Variants in FUT9 observed in about 807,000 individuals in gnomAD.
FUT9 encodes the protein fucosyltransferase 9.
In FUT9, 15 loss-of-function variants were observed where a neutral mutation model predicts 29.7. The observed-to-expected ratio is 0.51, with a 90% confidence interval of 0.34 to 0.78. The LOEUF (loss-of-function observed/expected upper bound fraction) is 0.78, where lower values mean the gene tolerates loss of function less well. Among genes scored for constraint, FUT9 ranks in the 30% least tolerant of loss-of-function variants. The pLI is 0.01. For missense variants in FUT9, 319 were observed against 425.4 expected (o/e 0.75, Z 2.20); for synonymous variants, 169 against 153.7 (o/e 1.10, Z -0.74).
rs867056910 is a variant in FUT9, at chr6:96,203,970, C to T, written c.815C>T (p.Pro272Leu). The change falls in exon 3 of 3, where the codon CCA (proline) becomes CTA (leucine). Residue 272 changes from proline to leucine, a missense_variant. Physicochemically the swap from Pro to Leu is moderately conservative, Grantham distance 98. Coordinates refer to ENST00000302103, the MANE Select transcript of FUT9 (RefSeq NM_006581.4). ...GGCTCTGTACCTGTTGTTCTGGGAC[C>T]ATCTAGGGAAAACTATGAGAATTAT... ...LAGSVPVVLG[P>L]SRENYENYIP... The T allele has an allele frequency of 1.2e-6, 2 of 1,613,396 alleles. No individual in the cohort carries two copies. Among genetic ancestry groups the T allele is most frequent in the Non-Finnish European group, 1.7e-6 (2 of 1,179,692 alleles).
chr6:96,073,692 G>T (rs150095203), intron 1 of FUT9, among the ~76,000 whole-genome samples: 1 of 152,050 alleles, frequency 6.6e-6, no homozygotes, highest in Non-Finnish European at 1.5e-5. Flanking sequence ...TTGAAAGGGC[G>T]ATGGGGAACA....
intron 1 of FUT9, among the ~76,000 whole-genome samples, chr6:96,102,157 A>G (rs1047481292): frequency 6.6e-6 from 1 of 152,068 alleles, no homozygotes; most frequent in African/African-American, 2.4e-5. Context: ...GTAGGTAACA[A>G]TGTTATTGAG....
chr6:96,109,806 C>T (rs920527540), intron 1 of FUT9, among the ~76,000 whole-genome samples: 1 of 152,082 alleles, frequency 6.6e-6, no homozygotes, highest in Non-Finnish European at 1.5e-5. Context: ...AAAACCTTCT[C>T]GTATCCATTG....
chr6:96,032,389 A>G (rs1201337830), intron 1 of FUT9, among the ~76,000 whole-genome samples: 1 of 151,560 alleles, frequency 6.6e-6, no homozygotes, highest in Non-Finnish European at 1.5e-5. Context: ...AACCTTATTC[A>G]GTCAGTAATT....
chr6:96,168,836 T>G (rs1211899429), intron 2 of FUT9, among the ~76,000 whole-genome samples: 1 of 152,114 alleles, frequency 6.6e-6, no homozygotes, highest in Non-Finnish European at 1.5e-5. Context: ...AAATAAATGA[T>G]AACAGAAGGG....
chr6:96,096,684 A>ATGTGTG (rs1243489757), intron 1 of FUT9, among the ~76,000 whole-genome samples: 1,418 of 140,846 alleles, frequency 0.01, 34 homozygotes, highest in African/African-American at 0.035. Flanking sequence ...TGTCTAAGGC[A>ATGTGTG]TGTGTGTGTG....
chr6:96,049,951 C>T (rs1056203354), intron 1 of FUT9, among the ~76,000 whole-genome samples: 1 of 152,018 alleles, frequency 6.6e-6, no homozygotes, highest in African/African-American at 2.4e-5. Context: ...CAGATATAAT[C>T]CTCATCTTAA....
At position 96,187,207 on chromosome 6, in the gene FUT9, A is replaced by C. The variant is rs561796433; in HGVS notation, c.-8-15941A>C. Among the ~76,000 whole-genome samples the C allele has an allele frequency of 7.2e-5, 11 of 152,226 alleles. No individual in the cohort carries two copies. The South Asian group carries it at 2.1e-3, about 29-fold the overall frequency. On this transcript the variant is annotated intron_variant, in intron 2 of 2. Transcript: ENST00000302103. The stretch of plus-strand genomic sequence containing the variant: ...CTGGACTAAAGCCTCTATCATTAGC[A>C]GATAGAGGACCAGAAATTAAGGGAA...
intron 1 of FUT9, among the ~76,000 whole-genome samples, chr6:96,057,607 C>T (rs528306514): frequency 1.8e-3 from 273 of 152,156 alleles, no homozygotes; most frequent in African/African-American, 6.4e-3. Flanking sequence ...CTCTCCACTC[C>T]CTAAAGCTGG....
intron 2 of FUT9, among the ~76,000 whole-genome samples, chr6:96,172,917 C>T (rs570355160): frequency 5.9e-4 from 89 of 152,096 alleles, no homozygotes; most frequent in Non-Finnish European, 9.6e-4. Context: ...TGAAGGTTCC[C>T]TGTACCATTG....
intron 2 of FUT9, among the ~76,000 whole-genome samples, chr6:96,147,593 T>A (rs1308010396): frequency 6.6e-6 from 1 of 152,122 alleles, no homozygotes; most frequent in African/African-American, 2.4e-5. Context: ...TACTTATAAC[T>A]GTAGTTATTA....
intron 2 of FUT9, among the ~76,000 whole-genome samples, chr6:96,151,684 T>C (rs1772678773): frequency 6.6e-6 from 1 of 152,198 alleles, no homozygotes; most frequent in Admixed American, 6.5e-5. Flanking sequence ...TGAGTTTTGT[T>C]ATATTCAGAT....
intron 1 of FUT9, among the ~76,000 whole-genome samples, chr6:96,085,033 T>C (rs888928267): frequency 2.0e-5 from 3 of 152,190 alleles, no homozygotes; most frequent in African/African-American, 7.2e-5. Context: ...AGTTTGACTA[T>C]TTGAAAGGAC....
At chr6:96,126,577 A>C (rs1772137908) in intron 2 of FUT9, among the ~76,000 whole-genome samples, 1 of 152,256 alleles carries the variant, frequency 6.6e-6, no homozygotes, top group Non-Finnish European at 1.5e-5. Context: ...GATCCAGGAC[A>C]TATTGCAAAT....
chr6:96,177,746 A>G (rs1183414918), intron 2 of FUT9, among the ~76,000 whole-genome samples: 1 of 152,158 alleles, frequency 6.6e-6, no homozygotes, highest in African/African-American at 2.4e-5. Flanking sequence ...ACATTTAGAT[A>G]TATTATCTCA....
In FUT9 at chr6:96,213,094, T is replaced by C. The variant is rs1387459568; in HGVS notation, c.*8859T>C. ...AAACTGCCATATATTCGTGCAGATG[T>C]TTTCTTCTTTTCTTACTGCGCATTT... is the stretch of plus-strand genomic sequence containing the variant. On this transcript the variant is annotated 3_prime_UTR_variant, in exon 3 of 3. Transcript: ENST00000302103. 6.0e-6 allele frequency: 1 copy of C among 166,894 alleles called. No homozygotes were observed. Among genetic ancestry groups the C allele is most frequent in the Non-Finnish European group, 1.5e-5 (1 of 68,002 alleles). 10.3% of individuals were successfully genotyped at this position (166,894 alleles called of 1,614,324 possible). A position where few individuals can be genotyped will look rare whatever the true frequency, so the allele number is the denominator to read the frequency against.
chr6:96,082,126 T>C (rs1771247164), intron 1 of FUT9, among the ~76,000 whole-genome samples: 1 of 151,790 alleles, frequency 6.6e-6, no homozygotes, highest in Admixed American at 6.6e-5. Context: ...TTTTACTCTT[T>C]TTATGGCATA....
chr6:96,147,518 A>G (rs1170503888), intron 2 of FUT9, among the ~76,000 whole-genome samples: 2 of 152,160 alleles, frequency 1.3e-5, no homozygotes, highest in Admixed American at 1.3e-4. Context: ...GAAAAAGATG[A>G]GCAACTGTGG....
intron 1 of FUT9, among the ~76,000 whole-genome samples, chr6:96,018,022 T>G (rs2127919275): frequency 6.6e-6 from 1 of 152,296 alleles, no homozygotes; most frequent in South Asian, 2.1e-4. Context: ...TAGGCAGAAA[T>G]GCACTGAGCA....
Sources: gnomAD v4.1 joint callset for allele counts (sites outside exome capture counted in the v4.1 genomes callset) on GRCh38, gnomAD v4.1.1 for gene constraint, MANE v1.5 for transcripts, NCBI Gene and HGNC (gene_info 2026-07-23, HGNC 2026-07-21) for gene names.